The following ABCC12 variants were observed in gnomAD, a reference collection of about 807,000 sequenced individuals.
The protein encoded by ABCC12 is ATP-binding cassette sub-family C member 12.
A neutral mutation model predicts 151.1 loss-of-function variants in ABCC12; 142 were observed. That is an observed-to-expected ratio of 0.94 (90% confidence interval 0.82 to 1.08). The LOEUF (loss-of-function observed/expected upper bound fraction) is 1.08. Among genes scored for constraint, ABCC12 ranks in the 50% least tolerant of loss-of-function variants. The pLI is 0.00. For missense variants in ABCC12, 1,638 were observed against 1,691.1 expected, an observed-to-expected ratio of 0.97 and a Z score of 0.55; for synonymous variants, 645 against 646.4, an observed-to-expected ratio of 1.00 and a Z score of 0.03.
At chr16:48,085,061 C>T (rs1962527298) in intron 29 of ABCC12, among the ~76,000 whole-genome samples, 1 of 152,132 alleles carries the variant, frequency 6.6e-6, no homozygotes, top group Non-Finnish European at 1.5e-5. Flanking sequence ...GCCCCTCTCC[C>T]CTGACATTAG....
chr16:48,107,404 G>A lies in ABCC12; in HGVS notation c.2393C>T (p.Thr798Ile), dbSNP rs143162880. The A allele has an allele frequency of 9.2e-5, 148 of 1,614,200 alleles. No homozygotes were observed. In the African/African-American group the frequency reaches 1.8e-3, roughly 19 times the overall value. Residue 798 changes from threonine (T) to isoleucine (I), a missense_variant, in exon 20 of 31, where the codon ACT (threonine) becomes ATT (isoleucine). Transcript: ENST00000311303. ...AATCATCAGGAGGAAGAGGAACACA[G>A]TGAAGAGAGAAAGGAGGTACCCTGC... ...ASGGYLLSLF[T>I]VFLFLLMIGS... is the part of the protein sequence containing the mutation.
chr16:48,104,097 T>C, intron 22 of ABCC12, 45 bp downstream of exon 22: 1 of 1,482,486 alleles, frequency 6.7e-7, no homozygotes, highest in Non-Finnish European at 9.4e-7. Flanking sequence ...ACCCAGTCAG[T>C]GTGTGTGTGT....
chr16:48,098,767 A>G (rs1483749758), intron 23 of ABCC12, among the ~76,000 whole-genome samples: 1 of 152,230 alleles, frequency 6.6e-6, no homozygotes, highest in Non-Finnish European at 1.5e-5. Flanking sequence ...AATACACGTC[A>G]GAAACCCAAG....
Position 48,138,432 on chromosome 16 carries a change from T to G in ABCC12, c.832-57A>C, listed in dbSNP as rs1596628610. 11 of 1,542,332 alleles carry G rather than the reference T, an allele frequency of 7.1e-6. No individual in the cohort carries two copies. In the East Asian group the frequency reaches 2.5e-4, roughly 35 times the overall value. ...GAGAAGTGCTGAGTTGCAGCTGGCC[T>G]AAAAATCCAGAAATGGGAGTGTAAG... On this transcript the variant is annotated intron_variant, in intron 7 of 30. Transcript: ENST00000311303.
At chr16:48,091,054 T>C in intron 25 of ABCC12, 66 bp downstream of exon 25, 2 of 1,467,806 alleles carry the variant, frequency 1.4e-6, no homozygotes, top group Non-Finnish European at 9.6e-7. Flanking sequence ...TCTAAAAAGA[T>C]CCAGTATTTG....
intron 2 of ABCC12, among the ~76,000 whole-genome samples, chr16:48,152,782 G>A (rs1274874921): frequency 1.3e-5 from 2 of 152,186 alleles, no homozygotes; most frequent in African/African-American, 4.8e-5. Context: ...GAAAATACCA[G>A]ATGAACCCAA....
At chr16:48,148,244 A>G (rs1385025915) in intron 2 of ABCC12, among the ~76,000 whole-genome samples, 1 of 151,572 alleles carries the variant, frequency 6.6e-6, no homozygotes, top group Non-Finnish European at 1.5e-5. Context: ...CACCAAAAAA[A>G]AAAAAAAAAT....
At chr16:48,129,329 C>G (rs1431175911) in intron 10 of ABCC12, among the ~76,000 whole-genome samples, 1 of 152,214 alleles carries the variant, frequency 6.6e-6, no homozygotes, top group Non-Finnish European at 1.5e-5. Context: ...ACACTTGGCT[C>G]TCATTCTCGA....
chr16:48,109,381 G>A (rs889648512), intron 18 of ABCC12, among the ~76,000 whole-genome samples: 3 of 152,190 alleles, frequency 2.0e-5, no homozygotes, highest in Admixed American at 2.0e-4. Flanking sequence ...AGATTTTGGA[G>A]GAAAAGGGAT....
rs1341627938 is a variant in ABCC12 at position 48,081,267 on chromosome 16, G to T, written c.*2448C>A. ...GTGCTTTGAGGAATTTGGCTAAATG[G>T]CTACTATTATTCTACATAGTCTCCC... On this transcript the variant is annotated 3_prime_UTR_variant, in exon 31 of 31. Coordinates refer to ENST00000311303, the MANE Select transcript of ABCC12 (RefSeq NM_001393797.1). Among the ~76,000 whole-genome samples the T allele has an allele frequency of 6.6e-6, 1 of 152,204 alleles. No individual in the cohort carries two copies. The highest frequency in any genetic ancestry group is 2.4e-5 in the African/African-American group (1 of 41,448).
intron 11 of ABCC12, among the ~76,000 whole-genome samples, chr16:48,128,101 A>G (rs1233090793): frequency 6.6e-6 from 1 of 152,150 alleles, no homozygotes; most frequent in Non-Finnish European, 1.5e-5. Flanking sequence ...CCTGGGCAAA[A>G]GAGTAAGACC....
chr16:48,133,823 C>G lies in ABCC12; in HGVS notation c.992G>C (p.Arg331Thr). Residue 331 changes from arginine to threonine, a missense_variant, in exon 9 of 31, where the codon AGG becomes ACG. Arg to Thr is a moderately conservative substitution (Grantham distance 71). Transcript: ENST00000311303. ...FTNTIQDIRR[R>T]ERKLLEKAGF... ...AGCTTTTTCCAGTAATTTTCTTTCCCTCCTTCTTATATCTGCAAAATAGAA... is the reference window on the plus strand; with the variant it reads ...AGCTTTTTCCAGTAATTTTCTTTCCGTCCTTCTTATATCTGCAAAATAGAA... 1.2e-6 allele frequency: 2 copies of G among 1,614,124 alleles called. No individual in the cohort carries two copies. The highest frequency in any genetic ancestry group is 1.7e-6 in the Non-Finnish European group (2 of 1,180,014).
At position 48,143,999 on chromosome 16, in the gene ABCC12, C is replaced by A; in HGVS notation, c.186G>T (p.Pro62=). The A allele has an allele frequency of 6.2e-7, 1 of 1,614,202 alleles. No homozygotes were observed. The highest frequency in any genetic ancestry group is 8.5e-7 in the Non-Finnish European group (1 of 1,180,040). The change falls in exon 4 of 31, where the codon CCG becomes CCT. Residue 62 remains proline (P), a synonymous_variant. Transcript: ENST00000311303. ...LSFATFSWLT[P]VMVKGYRQRL... ...TTTGCCGGTAGCCTTTCACCATCAC[C>A]GGCGTGAGCCAGGAAAATGTGGCGA... is the stretch of plus-strand genomic sequence containing the variant.
intron 3 of ABCC12, among the ~76,000 whole-genome samples, chr16:48,145,914 A>C (rs1964984413): frequency 6.6e-6 from 1 of 152,238 alleles, no homozygotes; most frequent in Non-Finnish European, 1.5e-5. Context: ...AAGTGTTGAG[A>C]CAGTCTGTTA....
intron 15 of ABCC12, among the ~76,000 whole-genome samples, chr16:48,114,902 T>C (rs1963822183): frequency 6.6e-6 from 1 of 152,156 alleles, no homozygotes. Context: ...CAGAGAGAGC[T>C]TCCCCAAAGC....
intron 18 of ABCC12, among the ~76,000 whole-genome samples, chr16:48,108,829 A>G (rs867045943): frequency 5.9e-5 from 9 of 152,200 alleles, no homozygotes; most frequent in African/African-American, 1.7e-4. Context: ...TAGAAGCAGC[A>G]CCCAAGAAGA....
Position 48,081,215 on chromosome 16 carries a change from A to G in ABCC12, c.*2500T>C, listed in dbSNP as rs1962329829. On this transcript the variant is annotated 3_prime_UTR_variant, in exon 31 of 31. Transcript: ENST00000311303. ...TAGCAGACACCTACCCCACAGGGAT[A>G]TGTTCAGGATTTAATAACCTAAGCC... Among the ~76,000 whole-genome samples, 1 of 152,204 alleles carries G rather than the reference A, an allele frequency of 6.6e-6. No homozygotes were observed.
chr16:48,110,673 C>A (rs186244230), intron 18 of ABCC12, among the ~76,000 whole-genome samples: 2 of 152,258 alleles, frequency 1.3e-5, no homozygotes, highest in East Asian at 3.9e-4. Flanking sequence ...AGCCCTCTAC[C>A]CTCTCCCACC....
chr16:48,133,174 A>T (rs775659447), intron 9 of ABCC12, among the ~76,000 whole-genome samples: 2 of 152,200 alleles, frequency 1.3e-5, no homozygotes, highest in African/African-American at 4.8e-5. Context: ...GACGTGATTA[A>T]GAACCGCTGC....
Sources: gnomAD v4.1 joint callset for allele counts (sites outside exome capture counted in the v4.1 genomes callset) on GRCh38, gnomAD v4.1.1 for gene constraint, MANE v1.5 for transcripts, NCBI Gene and HGNC (gene_info 2026-07-23, HGNC 2026-07-21) for gene names.